RIMS1: variants seen among roughly 807,000 people sequenced by gnomAD.
RIMS1 encodes regulating synaptic membrane exocytosis protein 1.
Under a neutral mutation model 214.1 loss-of-function variants are expected in RIMS1, and 83 were observed. That is an observed-to-expected ratio of 0.39 (90% CI 0.32 to 0.47). RIMS1 has a LOEUF of 0.47. Ranked by LOEUF, RIMS1 falls within the 20% of genes least tolerant of loss-of-function variation. The probability of loss-of-function intolerance (pLI) is 0.99; values close to 1 mark genes in which losing one functional copy is unlikely to be tolerated. For missense variants in RIMS1, 2,050 were observed against 2,161.8 expected (o/e 0.95, Z 1.03); for synonymous variants, 793 against 786.8 (o/e 1.01, Z -0.13).
At chr6:72,271,270 A>G (rs60637469) in intron 22 of RIMS1, among the ~76,000 whole-genome samples, 298 of 55,716 alleles carry the variant, frequency 5.3e-3, no homozygotes, top group Non-Finnish European at 6.7e-3. Flanking sequence ...CATCTCAAGG[A>G]AAAAAAAAAA....
At chr6:72,373,729 TGAA>T (rs2098288900) in intron 29 of RIMS1, among the ~76,000 whole-genome samples, 2 of 152,172 alleles carry the variant, frequency 1.3e-5, no homozygotes, top group African/African-American at 4.8e-5. Flanking sequence ...ATACTGTACT[TGAA>T]GTAATTTAGT....
intron 1 of RIMS1, among the ~76,000 whole-genome samples, chr6:71,898,741 G>A (rs1040808712): frequency 6.6e-5 from 10 of 152,076 alleles, no homozygotes; most frequent in African/African-American, 2.4e-4. Context: ...TAGCCACTGA[G>A]GATTTATTTT....
At chr6:72,297,469 G>A (rs998665736) in intron 26 of RIMS1, among the ~76,000 whole-genome samples, 1 of 151,952 alleles carries the variant, frequency 6.6e-6, no homozygotes, top group Non-Finnish European at 1.5e-5. Flanking sequence ...GGCAAAAGCT[G>A]TACCTAGCTA....
At chr6:72,192,145 A>G (rs1472158401) in intron 6 of RIMS1, among the ~76,000 whole-genome samples, 3 of 152,114 alleles carry the variant, frequency 2.0e-5, no homozygotes, top group Non-Finnish European at 2.9e-5. Context: ...GACCCACTGG[A>G]CCCACTGTAA....
intron 2 of RIMS1, among the ~76,000 whole-genome samples, chr6:72,079,406 G>A (rs908739574): frequency 2.6e-5 from 4 of 152,120 alleles, no homozygotes; most frequent in Non-Finnish European, 4.4e-5. Context: ...GATGCCAATA[G>A]AGTGTCAAAT....
intron 4 of RIMS1, among the ~76,000 whole-genome samples, chr6:72,132,883 C>G (rs1464735857): frequency 6.6e-6 from 1 of 152,152 alleles, no homozygotes; most frequent in Non-Finnish European, 1.5e-5. Flanking sequence ...TATTTTTGGA[C>G]TAATATTTAT....
intron 29 of RIMS1, among the ~76,000 whole-genome samples, chr6:72,345,655 T>G (rs1047758943): frequency 6.6e-6 from 1 of 151,844 alleles, no homozygotes; most frequent in Non-Finnish European, 1.5e-5. Context: ...AATTTTGTTT[T>G]ATAATCTTGC....
At chr6:72,184,383 C>G (rs968787622) in intron 6 of RIMS1, among the ~76,000 whole-genome samples, 29 of 152,206 alleles carry the variant, frequency 1.9e-4, no homozygotes, top group Non-Finnish European at 2.9e-5. Context: ...AAATTTGTGA[C>G]GCTGTTGCTG....
At chr6:72,106,607 C>G (rs1244819971) in intron 4 of RIMS1, among the ~76,000 whole-genome samples, 4 of 152,066 alleles carry the variant, frequency 2.6e-5, no homozygotes, top group Non-Finnish European at 5.9e-5. Flanking sequence ...AGCCTCAGAT[C>G]GGTAGTTGGG....
intron 22 of RIMS1, among the ~76,000 whole-genome samples, chr6:72,269,091 C>A (rs1049663568): frequency 2.0e-5 from 3 of 152,084 alleles, no homozygotes; most frequent in African/African-American, 7.2e-5. Context: ...GCAATCATAT[C>A]CTTGATGAAG....
intron 2 of RIMS1, among the ~76,000 whole-genome samples, chr6:72,020,625 G>A (rs760880243): frequency 6.6e-6 from 1 of 152,110 alleles, no homozygotes; most frequent in Non-Finnish European, 1.5e-5. Flanking sequence ...TATTTCAATG[G>A]TATTTGATGG....
At chr6:72,381,696 A>G (rs2098492095) in intron 29 of RIMS1, among the ~76,000 whole-genome samples, 1 of 152,228 alleles carries the variant, frequency 6.6e-6, no homozygotes, top group Non-Finnish European at 1.5e-5. Context: ...GTTAGCTAAC[A>G]TTTTGCTGAA....
intron 2 of RIMS1, among the ~76,000 whole-genome samples, chr6:72,011,633 G>GA (rs1281053887): frequency 6.6e-6 from 1 of 152,004 alleles, no homozygotes; most frequent in African/African-American, 2.4e-5. Flanking sequence ...AAATTTACAA[G>GA]AAAAAAACAA....
intron 29 of RIMS1, among the ~76,000 whole-genome samples, chr6:72,361,004 ATCT>A (rs928561459): frequency 1.4e-5 from 2 of 147,670 alleles, no homozygotes; most frequent in East Asian, 2.0e-4. Flanking sequence ...AGATCATGAG[ATCT>A]TCTTATAAAT....
intron 4 of RIMS1, among the ~76,000 whole-genome samples, chr6:72,168,606 G>A (rs2046591069): frequency 6.6e-6 from 1 of 151,862 alleles, no homozygotes; most frequent in Non-Finnish European, 1.5e-5. Context: ...AGCATTCCTA[G>A]ACCAAGGTCA....
intron 29 of RIMS1, among the ~76,000 whole-genome samples, chr6:72,370,546 T>G (rs2098182917): frequency 6.6e-6 from 1 of 152,184 alleles, no homozygotes; most frequent in Non-Finnish European, 1.5e-5. Flanking sequence ...TTAGGAATAT[T>G]TTTTACTTCT....
At chr6:72,390,225 A>G (rs980683080) in intron 29 of RIMS1, among the ~76,000 whole-genome samples, 3 of 152,212 alleles carry the variant, frequency 2.0e-5, no homozygotes, top group African/African-American at 4.8e-5. Context: ...ATTCATACAC[A>G]TTTAGTGAAT....
At chr6:71,956,813 T>G (rs1353888432) in intron 1 of RIMS1, among the ~76,000 whole-genome samples, 1 of 152,170 alleles carries the variant, frequency 6.6e-6, no homozygotes, top group Non-Finnish European at 1.5e-5. Flanking sequence ...AATGGCTCAT[T>G]CTTCAACAGC....
Position 72,250,879 on chromosome 6 carries a change from A to G in RIMS1, c.2373-42A>G. The G allele has an allele frequency of 4.3e-6, 5 of 1,155,156 alleles. No individual in the cohort carries two copies. In the South Asian group the frequency reaches 8.5e-5, roughly 20 times the overall value. The allele number at this position is 1,155,156 out of a possible 1,614,324, so 71.6% of individuals were successfully genotyped here. ...ACATGTAACTACAGTAGATGGCAGCATGTACTTGCTTTTTCATTTACAAAA... is the reference window on the plus strand; with the variant it reads ...ACATGTAACTACAGTAGATGGCAGCGTGTACTTGCTTTTTCATTTACAAAA... On this transcript the variant is annotated intron_variant, in intron 13 of 33. Coordinates refer to ENST00000521978, the MANE Select transcript of RIMS1 (RefSeq NM_014989.7).
Sources: gnomAD v4.1 joint callset for allele counts (sites outside exome capture counted in the v4.1 genomes callset) on GRCh38, gnomAD v4.1.1 for gene constraint, MANE v1.5 for transcripts, NCBI Gene and HGNC (gene_info 2026-07-23, HGNC 2026-07-21) for gene names.